The following ZNF831 variants were observed in gnomAD, a reference collection of about 807,000 sequenced individuals.
ZNF831 encodes zinc finger protein 831, also known as chromosome 20 open reading frame 174.
Under a neutral mutation model 95.8 loss-of-function variants are expected in ZNF831, and 59 were observed. That is an observed-to-expected ratio of 0.62 (90% CI 0.50 to 0.77). The LOEUF is 0.77. ZNF831 is among the 30% of genes least tolerant of loss of function. The pLI is 0.00. For synonymous variants in ZNF831, 961 were observed against 925.5 expected (o/e 1.04, Z -0.70); for missense variants, 2,205 against 2,164.0 (o/e 1.02, Z -0.38).
intron 1 of ZNF831, among the ~76,000 whole-genome samples, chr20:59,166,516 C>T (rs892674324): frequency 6.6e-6 from 1 of 152,160 alleles, no homozygotes; most frequent in Non-Finnish European, 1.5e-5. Context: ...AGATACAGAA[C>T]ATTTCTGTCA....
At chr20:59,196,127 T>C (rs1984088361) in intron 3 of ZNF831, 122 bp downstream of exon 3, 7 of 1,350,472 alleles carry the variant, frequency 5.2e-6, no homozygotes, top group Non-Finnish European at 7.0e-6. Flanking sequence ...TAGAGCTTCA[T>C]GATTAAAGGA....
Position 59,138,112 on chromosome 20 carries a change from C to T in ZNF831, c.-1424-8119C>T, listed in dbSNP as rs78621429. 8.9e-3 allele frequency among the ~76,000 whole-genome samples: 1,348 copies of T among 152,214 alleles called. 14 individuals are homozygous for T. Among genetic ancestry groups the T allele is most frequent in the African/African-American group, 0.03 (1,261 of 41,518 alleles). Reference sequence around the variant, plus strand: ...ATTATTTTAAAACTGTGATTAACACCGATTTTGGAGCATTTTGGAAGACTA... The same window carrying T: ...ATTATTTTAAAACTGTGATTAACACTGATTTTGGAGCATTTTGGAAGACTA... On this transcript the variant is annotated intron_variant, in intron 1 of 7. Coordinates refer to the ZNF831 transcript ENST00000637017.
chr20:59,179,203 A>G (rs920463107), intron 1 of ZNF831, among the ~76,000 whole-genome samples: 9 of 152,202 alleles, frequency 5.9e-5, no homozygotes, highest in Non-Finnish European at 2.9e-5. Context: ...CAGGTCACAC[A>G]TGGACAGCCT....
intron 1 of ZNF831, among the ~76,000 whole-genome samples, chr20:59,141,414 T>C (rs891923642): frequency 6.6e-6 from 1 of 152,250 alleles, no homozygotes; most frequent in African/African-American, 2.4e-5. Flanking sequence ...GATTTTTCTT[T>C]TCTTTCTTTC....
intron 4 of ZNF831, among the ~76,000 whole-genome samples, chr20:59,222,482 TTC>T (rs1287610952): frequency 4.0e-4 from 61 of 151,080 alleles, no homozygotes; most frequent in African/African-American, 1.4e-3. Flanking sequence ...GGCTCTGTTT[TTC>T]TCTCTCTCTT....
Position 59,193,400 on chromosome 20 carries a change from A to G in ZNF831, c.2381A>G (p.Asp794Gly), listed in dbSNP as rs1241385921. The G allele has an allele frequency of 1.2e-6, 2 of 1,601,222 alleles. No homozygotes were observed. Among genetic ancestry groups the G allele is most frequent in the Admixed American group, 1.7e-5 (1 of 58,916 alleles). The change falls in exon 2 of 6, where the codon GAT (aspartate) becomes GGT (glycine). Residue 794 changes from aspartate to glycine, a missense_variant. Coordinates refer to ENST00000371030, the MANE Select transcript of ZNF831 (RefSeq NM_178457.3). ...GAAGGAGGTGCCCGAGGTGTGGGGGATGTTCAGGAGACCTGCCTGTGGGCC... is the reference window on the plus strand; with the variant it reads ...GAAGGAGGTGCCCGAGGTGTGGGGGGTGTTCAGGAGACCTGCCTGTGGGCC... Reference protein sequence around the residue: ...KLEGGARGVGDVQETCLWAQT... With the variant: ...KLEGGARGVGGVQETCLWAQT...
At chr20:59,188,268 G>A (rs925569306) in intron 1 of ZNF831, among the ~76,000 whole-genome samples, 2 of 152,136 alleles carry the variant, frequency 1.3e-5, no homozygotes, top group Admixed American at 6.5e-5. Context: ...CACCAGTCGT[G>A]TTTATGGGTT....
chr20:59,153,646 C>A (rs897429224), intron 2 of ZNF831, among the ~76,000 whole-genome samples: 1 of 149,118 alleles, frequency 6.7e-6, no homozygotes, highest in African/African-American at 2.4e-5. Context: ...GGCTGGTGAC[C>A]CCATCAAGCT....
At position 59,190,274 on chromosome 20, in the gene ZNF831, G is replaced by A. The variant is rs536066957; in HGVS notation, c.-36-710G>A. On this transcript the variant is annotated intron_variant, in intron 1 of 5. Transcript: ENST00000371030. ...CAGATAAGCAGCGCTCAGTGTTTCCGTATAAGCATGGCACGTGTGAGATTT... is the reference window on the plus strand; with the variant it reads ...CAGATAAGCAGCGCTCAGTGTTTCCATATAAGCATGGCACGTGTGAGATTT... Among the ~76,000 whole-genome samples the A allele has an allele frequency of 5.3e-5, 8 of 152,302 alleles. No homozygotes were observed. The South Asian group carries it at 8.3e-4, about 16-fold the overall frequency.
At chr20:59,224,391 G>GT (rs888841090) in intron 4 of ZNF831, among the ~76,000 whole-genome samples, 6 of 151,184 alleles carry the variant, frequency 4.0e-5, no homozygotes, top group Non-Finnish European at 8.8e-5. Flanking sequence ...AGAGCACTGG[G>GT]TGGGGGGGCG....
intron 1 of ZNF831, among the ~76,000 whole-genome samples, chr20:59,176,474 A>T (rs762649378): frequency 2.0e-5 from 3 of 152,134 alleles, no homozygotes; most frequent in African/African-American, 4.8e-5. Context: ...TACCTTAATT[A>T]AAAAAATACA....
At chr20:59,155,560 G>A (rs920637185) in intron 2 of ZNF831, among the ~76,000 whole-genome samples, 1 of 152,168 alleles carries the variant, frequency 6.6e-6, no homozygotes, top group Non-Finnish European at 1.5e-5. Flanking sequence ...TTTTAGCTCA[G>A]GTGCTAAATC....
intron 3 of ZNF831, among the ~76,000 whole-genome samples, chr20:59,200,358 T>C (rs1984438920): frequency 6.6e-6 from 1 of 152,184 alleles, no homozygotes; most frequent in African/African-American, 2.4e-5. Context: ...TTTCATGTCT[T>C]TTAATACTTT....
chr20:59,131,142 A>C (rs1979340762), intron 1 of ZNF831, among the ~76,000 whole-genome samples: 1 of 152,190 alleles, frequency 6.6e-6, no homozygotes, highest in South Asian at 2.1e-4. Context: ...TCCAGCATCC[A>C]TCTTGGGTCT....
intron 3 of ZNF831, among the ~76,000 whole-genome samples, chr20:59,201,754 T>G (rs76173929): frequency 0.075 from 11,457 of 152,318 alleles, 583 homozygotes; most frequent in Non-Finnish European, 0.11. Context: ...AATACCACAC[T>G]GACTTGATTA....
chr20:59,204,808 C>A (rs988603826), intron 3 of ZNF831, among the ~76,000 whole-genome samples: 8 of 152,110 alleles, frequency 5.3e-5, no homozygotes, highest in Non-Finnish European at 1.2e-4. Context: ...ACTTGCATGG[C>A]TGGTGATGGA....
intron 1 of ZNF831, among the ~76,000 whole-genome samples, chr20:59,173,005 TG>T (rs996098291): frequency 2.0e-5 from 3 of 152,170 alleles, no homozygotes; most frequent in African/African-American, 7.2e-5. Flanking sequence ...AGGGGCTTGT[TG>T]TGGTGGGTTC....
chr20:59,140,992 C>G (rs913847215), intron 1 of ZNF831, among the ~76,000 whole-genome samples: 15 of 151,946 alleles, frequency 9.9e-5, no homozygotes, highest in African/African-American at 3.6e-4. Context: ...CTCTTCCTCC[C>G]AGGTTCAAGC....
chr20:59,214,978 T>C (rs1429615013), intron 4 of ZNF831, among the ~76,000 whole-genome samples: 2 of 152,242 alleles, frequency 1.3e-5, no homozygotes, highest in Non-Finnish European at 2.9e-5. Flanking sequence ...CATAAATAGA[T>C]TTTCCCTGTT....
Sources: allele counts gnomAD v4.1 joint callset (sites outside exome capture counted in the v4.1 genomes callset), GRCh38; gene constraint gnomAD v4.1.1; transcripts MANE v1.5; gene names NCBI Gene and HGNC (gene_info 2026-07-23, HGNC 2026-07-21).